SATB2: variants seen among roughly 807,000 people sequenced by gnomAD.
SATB2 encodes the protein DNA-binding protein SATB2.
Under a neutral mutation model 73.4 loss-of-function variants are expected in SATB2, and 1 was observed. The observed-to-expected ratio is 0.01, with a 90% CI of 0.00 to 0.06. The LOEUF is 0.06. Among genes scored for constraint, SATB2 ranks in the 10% least tolerant of loss-of-function variants. SATB2 has a pLI of 1.00. For missense variants in SATB2, 459 were observed against 945.8 expected, an observed-to-expected ratio of 0.49 and a Z score of 6.75; for synonymous variants, 397 against 367.0, an observed-to-expected ratio of 1.08 and a Z score of -0.93.
intron 6 of SATB2, among the ~76,000 whole-genome samples, chr2:199,356,875 C>T (rs1689002402): frequency 6.6e-6 from 1 of 152,152 alleles, no homozygotes; most frequent in Admixed American, 6.5e-5. Context: ...GTAGCTGAAG[C>T]ACTGAGCTAA....
intron 2 of SATB2, among the ~76,000 whole-genome samples, chr2:199,436,843 A>AAGAG (rs36011191): frequency 0.018 from 2,688 of 148,866 alleles, 80 homozygotes; most frequent in African/African-American, 0.06. Flanking sequence ...TATGCCAAGA[A>AAGAG]AGAGAGAGAG....
chr2:199,297,960 A>T (rs536990015), intron 10 of SATB2, among the ~76,000 whole-genome samples: 2 of 152,302 alleles, frequency 1.3e-5, no homozygotes, highest in African/African-American at 4.8e-5. Context: ...TAGGAAGGCC[A>T]TATGAAACCA....
intron 6 of SATB2, among the ~76,000 whole-genome samples, 177 bp from the exon 7 acceptor site, chr2:199,349,350 A>AT (rs1301364749): frequency 1.3e-5 from 2 of 152,144 alleles, no homozygotes; most frequent in Non-Finnish European, 2.9e-5. Context: ...GTTACAATAG[A>AT]TTTTTTTCAT....
chr2:199,358,801 A>T (rs2105837731), intron 6 of SATB2, among the ~76,000 whole-genome samples: 1 of 152,262 alleles, frequency 6.6e-6, no homozygotes, highest in Non-Finnish European at 1.5e-5. Flanking sequence ...CTTTGCTAAT[A>T]AAAGCTCCTA....
intron 3 of SATB2, among the ~76,000 whole-genome samples, chr2:199,417,501 G>A (rs571152384): frequency 5.3e-5 from 8 of 152,272 alleles, no homozygotes; most frequent in African/African-American, 9.6e-5. Context: ...TTCTCAACAC[G>A]ACTGTGGGAA....
intron 3 of SATB2, among the ~76,000 whole-genome samples, chr2:199,402,378 C>G (rs1690509270): frequency 6.6e-6 from 1 of 151,628 alleles, no homozygotes; most frequent in Admixed American, 6.6e-5. Context: ...GAGCGAGACT[C>G]CATCTCAAAA....
At position 199,464,616 on chromosome 2, in the gene SATB2, C is replaced by A. The variant is rs1692555894; in HGVS notation, c.-141+220G>T. On this transcript the variant is annotated intron_variant, in intron 1 of 11. Coordinates refer to the SATB2 transcript ENST00000260926. This position sits in a 1 kb window ranked among gnomAD's most constrained non-coding sequence, Gnocchi z 6.6. ...ACGGCGCGAACACCAGCGCTCCGGCCGGGTCGCAGGGGCCGGTGCCCAGCG... is the reference window on the plus strand; with the variant it reads ...ACGGCGCGAACACCAGCGCTCCGGCAGGGTCGCAGGGGCCGGTGCCCAGCG... Among the ~76,000 whole-genome samples, 1 of 152,152 alleles carries A rather than the reference C, an allele frequency of 6.6e-6. No homozygotes were observed.
upstream of SATB2, among the ~76,000 whole-genome samples, chr2:199,462,813 C>A (rs1401785262): frequency 6.6e-6 from 1 of 151,968 alleles, no homozygotes; most frequent in African/African-American, 2.4e-5. This position sits in a 1 kb window ranked among gnomAD's most constrained non-coding sequence, Gnocchi z 5.9. Context: ...TGGTGGGCAA[C>A]GAGTCTGCGC....
chr2:199,310,328 G>A (rs1314327957), intron 9 of SATB2, among the ~76,000 whole-genome samples: 2 of 152,202 alleles, frequency 1.3e-5, no homozygotes, highest in Non-Finnish European at 2.9e-5. Context: ...GGAAGCTTGG[G>A]AGAGTTAGAA....
At chr2:199,421,161 G>C (rs1422366665) in intron 3 of SATB2, among the ~76,000 whole-genome samples, 2 of 152,114 alleles carry the variant, frequency 1.3e-5, no homozygotes, top group African/African-American at 4.8e-5. Context: ...AAAAAGTTCA[G>C]AGTAGGTACT....
chr2:199,462,067 C>A (rs1692488106), upstream of SATB2, among the ~76,000 whole-genome samples: 1 of 152,208 alleles, frequency 6.6e-6, no homozygotes, highest in African/African-American at 2.4e-5. The surrounding 1 kb of genome is among the most constrained non-coding windows in gnomAD (Gnocchi z 5.9). Flanking sequence ...TCCCCAAGGT[C>A]CATGGCTTTC....
At chr2:199,294,857 T>C (rs1692980124) in intron 10 of SATB2, among the ~76,000 whole-genome samples, 1 of 152,208 alleles carries the variant, frequency 6.6e-6, no homozygotes, top group Non-Finnish European at 1.5e-5. Context: ...TCTTTAAGAG[T>C]TCACATCATA....
chr2:199,381,943 A>G, intron 3 of SATB2, 123 bp from the exon 4 acceptor site: 1 of 1,060,928 alleles, frequency 9.4e-7, no homozygotes, highest in Non-Finnish European at 1.4e-6. Context: ...GATATTTTAC[A>G]ACCCAGTGCA....
chr2:199,463,964 G>T lies in SATB2; in HGVS notation c.-141+872C>A, dbSNP rs556291921. Among the ~76,000 whole-genome samples, 1 of 152,142 alleles carries T rather than the reference G, an allele frequency of 6.6e-6. No individual in the cohort carries two copies. The highest frequency in any genetic ancestry group is 2.1e-4 in the South Asian group (1 of 4,824). ...CGCTTTGAGGCTATGGGCCCACGCC[G>T]GTCTTGAACCAAGCGGAGAGGGCGA... On this transcript the variant is annotated intron_variant, in intron 1 of 11. Coordinates refer to the SATB2 transcript ENST00000260926. This position sits in a 1 kb window ranked among gnomAD's most constrained non-coding sequence, Gnocchi z 6.4.
intron 6 of SATB2, among the ~76,000 whole-genome samples, chr2:199,366,812 TAAA>T (rs36110374): frequency 6.4e-5 from 9 of 140,840 alleles, no homozygotes; most frequent in Admixed American, 7.1e-5. Flanking sequence ...TTACTATCTT[TAAA>T]AAAAAAAAAA....
intron 6 of SATB2, among the ~76,000 whole-genome samples, chr2:199,351,573 T>G (rs938636450): frequency 6.6e-6 from 1 of 152,214 alleles, no homozygotes; most frequent in Non-Finnish European, 1.5e-5. Flanking sequence ...TTAAAGTACA[T>G]AGTCTTAAAA....
chr2:199,451,091 AAC>A (rs56071011), intron 2 of SATB2, among the ~76,000 whole-genome samples: 37,089 of 138,862 alleles, frequency 0.27, 4,719 homozygotes, highest in Middle Eastern at 0.36. Flanking sequence ...ATGTAGTTCC[AAC>A]ACACACACAC....
upstream of SATB2, chr2:199,459,661 A>G (rs956850625): frequency 6.6e-6 from 1 of 152,658 alleles, no homozygotes; most frequent in Non-Finnish European, 1.5e-5. The surrounding 1 kb of genome is among the most constrained non-coding windows in gnomAD (Gnocchi z 4.2). Flanking sequence ...GGGCTCTCCC[A>G]CATCTCCCGC....
Position 199,328,417 on chromosome 2 carries a change from T to C in SATB2, c.1386+281A>G, listed in dbSNP as rs184418611. On this transcript the variant is annotated intron_variant, in intron 8 of 10. Coordinates refer to ENST00000417098, the MANE Select transcript of SATB2 (RefSeq NM_001172509.2). ...TTAGCAGGGCATGGTGGTTGGTGCC[T>C]CTAATGCCAGCTACTTGGGAGGCTG... 2.5e-3 allele frequency among the ~76,000 whole-genome samples: 383 copies of C among 152,184 alleles called. 1 individual carries two copies. Among genetic ancestry groups the C allele is most frequent in the African/African-American group, 8.3e-3 (344 of 41,526 alleles).
Sources: gnomAD v4.1 joint callset for allele counts (sites outside exome capture counted in the v4.1 genomes callset) on GRCh38, gnomAD v4.1.1 for gene constraint, Gnocchi (gnomAD v3.1) non-coding constraint, MANE v1.5 for transcripts, NCBI Gene and HGNC (gene_info 2026-07-23, HGNC 2026-07-21) for gene names.